Variants in COBLL1 observed in about 807,000 individuals in gnomAD.
COBLL1 encodes the protein cordon-bleu WH2 repeat protein like 1, also known as cordon-bleu protein-like 1.
Under a neutral mutation model 94.8 loss-of-function variants are expected in COBLL1, and 50 were observed. That is an observed-to-expected ratio of 0.53 (90% CI 0.42 to 0.67). The LOEUF (loss-of-function observed/expected upper bound fraction) is 0.67. Among genes scored for constraint, COBLL1 ranks in the 30% least tolerant of loss-of-function variants. The pLI, the probability that COBLL1 is intolerant of heterozygous loss-of-function variation, is 0.00. For synonymous variants in COBLL1, 448 were observed against 473.8 expected (o/e 0.95, Z 0.71); for missense variants, 1,362 against 1,348.7 (o/e 1.01, Z -0.15).
At chr2:164,730,344 A>AC (rs912388625) in intron 3 of COBLL1, among the ~76,000 whole-genome samples, 3 of 150,888 alleles carry the variant, frequency 2.0e-5, no homozygotes, top group African/African-American at 7.3e-5. Context: ...AAAAAAAAAA[A>AC]ACAATAGCCT....
intron 2 of COBLL1, chr2:164,772,129 T>G (rs532164861): frequency 6.6e-6 from 1 of 150,562 alleles, no homozygotes; most frequent in Non-Finnish European, 1.5e-5. Context: ...ATTTGTTTAG[T>G]TGTTAATCCT....
At chr2:164,692,566 T>A (rs1394121558) in intron 12 of COBLL1, 169 bp from the exon 13 acceptor site, 3 of 569,914 alleles carry the variant, frequency 5.3e-6, no homozygotes. Context: ...CTGCCAGAGC[T>A]AAGCTGGAAG....
chr2:164,658,285 G>A (rs1691010943), intron 2 of COBLL1, among the ~76,000 whole-genome samples: 1 of 152,128 alleles, frequency 6.6e-6, no homozygotes, highest in African/African-American at 2.4e-5. Flanking sequence ...TGCTTTTGGG[G>A]AGGTTGGCCG....
chr2:164,772,924 A>G (rs1223129825), intron 2 of COBLL1, among the ~76,000 whole-genome samples: 2 of 152,132 alleles, frequency 1.3e-5, no homozygotes, highest in Admixed American at 6.6e-5. Context: ...GTAATCGTGT[A>G]CCAGCCAACT....
At chr2:164,687,524 C>T in intron 13 of COBLL1, 1 of 1,373,162 alleles carries the variant, frequency 7.3e-7, no homozygotes, top group Non-Finnish European at 1.0e-6. Context: ...GACATGGTAA[C>T]TTGGCCAATG....
intron 2 of COBLL1, among the ~76,000 whole-genome samples, chr2:164,776,856 T>C (rs537325109): frequency 1.3e-5 from 2 of 152,254 alleles, no homozygotes; most frequent in East Asian, 3.9e-4. Context: ...ACAATACTAT[T>C]AGCCCTTGGA....
At position 164,841,151 on chromosome 2, in the gene COBLL1, C is replaced by A; in HGVS notation, c.41+5G>T. The A allele has an allele frequency of 8.1e-7, 1 of 1,230,278 alleles. No individual in the cohort carries two copies. The highest frequency in any genetic ancestry group is 1.0e-6 in the Non-Finnish European group (1 of 987,112). 76.2% of individuals were successfully genotyped at this position (1,230,278 alleles called of 1,614,324 possible). On this transcript the variant is annotated splice_donor_5th_base_variant and intron_variant, in intron 2 of 13. Coordinates refer to ENST00000652658, the MANE Select transcript of COBLL1 (RefSeq NM_001365672.2). This position sits in a 1 kb window ranked among gnomAD's most constrained non-coding sequence, Gnocchi z 5.5. ...GTGAGAGGCGGCGCGGCGCTCTGGGCTTACCTGGCTGGGGCGTCCTGCGGG... is the reference window on the plus strand; with the variant it reads ...GTGAGAGGCGGCGCGGCGCTCTGGGATTACCTGGCTGGGGCGTCCTGCGGG...
chr2:164,794,897 G>C (rs1467509665), intron 2 of COBLL1, among the ~76,000 whole-genome samples: 5 of 152,170 alleles, frequency 3.3e-5, no homozygotes, highest in Admixed American at 3.3e-4. Flanking sequence ...CACAACAAGT[G>C]CTAATGTTTA....
At chr2:164,727,788 T>C (rs1404515153) in intron 5 of COBLL1, among the ~76,000 whole-genome samples, 181 bp downstream of exon 5, 1 of 152,038 alleles carries the variant, frequency 6.6e-6, no homozygotes, top group African/African-American at 2.4e-5. Context: ...TTGTTATATT[T>C]AACTTGATTT....
intron 2 of COBLL1, among the ~76,000 whole-genome samples, chr2:164,812,851 C>A (rs1191697424): frequency 6.6e-6 from 1 of 152,050 alleles, no homozygotes; most frequent in African/African-American, 2.4e-5. Context: ...CAGTTGCACC[C>A]TACTGTATAC....
At chr2:164,768,841 A>G (rs1009282539) in intron 2 of COBLL1, among the ~76,000 whole-genome samples, 2 of 152,284 alleles carry the variant, frequency 1.3e-5, no homozygotes, top group African/African-American at 2.4e-5. Context: ...ATTTTTAGGT[A>G]TATTTGTATT....
intron 2 of COBLL1, among the ~76,000 whole-genome samples, chr2:164,818,207 T>G (rs913464509): frequency 7.0e-6 from 1 of 142,886 alleles, no homozygotes; most frequent in African/African-American, 2.6e-5. Flanking sequence ...TATACATATG[T>G]GTGTATATAT....
In COBLL1 at chr2:164,682,699, G is replaced by A. The variant is rs894869647; in HGVS notation, c.*3247C>T. 6.6e-6 allele frequency: 1 copy of A among 152,062 alleles called. No individual in the cohort carries two copies. The highest frequency in any genetic ancestry group is 1.5e-5 in the Non-Finnish European group (1 of 68,010). 9.4% of individuals were successfully genotyped at this position (152,062 alleles called of 1,614,324 possible). A position where few individuals can be genotyped will look rare whatever the true frequency, so the allele number is the denominator to read the frequency against. On this transcript the variant is annotated 3_prime_UTR_variant, in exon 14 of 14. Coordinates refer to ENST00000652658, the MANE Select transcript of COBLL1 (RefSeq NM_001365672.2). ...GGTAACTTTAAAAGATGAATTGCCT[G>A]CCGTTTTTAAAATAAGGTTCATTTT...
intron 2 of COBLL1, among the ~76,000 whole-genome samples, chr2:164,754,322 G>A (rs948240440): frequency 6.6e-6 from 1 of 152,088 alleles, no homozygotes; most frequent in Non-Finnish European, 1.5e-5. Context: ...CTTTGTACGT[G>A]GGCTGGACTT....
At chr2:164,703,046 G>A (rs995043861) in intron 9 of COBLL1, 29 of 951,166 alleles carry the variant, frequency 3.0e-5, no homozygotes, top group South Asian at 1.3e-4. Flanking sequence ...ATTTACAGTC[G>A]ATGATATCTT....
At chr2:164,779,508 C>T (rs1347902472) in intron 2 of COBLL1, 4 of 317,108 alleles carry the variant, frequency 1.3e-5, no homozygotes, top group Non-Finnish European at 2.6e-5. Context: ...TCCATGTAAG[C>T]TTCAGGAGAT....
At chr2:164,825,429 G>C (rs1030118057) in intron 2 of COBLL1, among the ~76,000 whole-genome samples, 1 of 151,910 alleles carries the variant, frequency 6.6e-6, no homozygotes, top group Non-Finnish European at 1.5e-5. Flanking sequence ...TTTCCATTAC[G>C]TTTACTTAGG....
In COBLL1 at chr2:164,682,750, A is replaced by T. The variant is rs1683095019; in HGVS notation, c.*3196T>A. 1 of 152,136 alleles carries T rather than the reference A, an allele frequency of 6.6e-6. No homozygotes were observed. Among genetic ancestry groups the T allele is most frequent in the Admixed American group, 6.6e-5 (1 of 15,254 alleles). The allele number at this position is 152,136 out of a possible 1,614,324, so 9.4% of individuals were successfully genotyped here. On this transcript the variant is annotated 3_prime_UTR_variant, in exon 14 of 14. Transcript: ENST00000652658. ...TATTCATATTAATTCATTTTTCAGA[A>T]GAGAAAATGAAGCATAGAGAAAGTA...
chr2:164,815,707 G>A (rs1256997737), intron 2 of COBLL1, among the ~76,000 whole-genome samples: 2 of 152,038 alleles, frequency 1.3e-5, no homozygotes, highest in Non-Finnish European at 1.5e-5. Flanking sequence ...TTCAAACAAA[G>A]TATTACCATT....
Sources: gnomAD v4.1 joint callset for allele counts (sites outside exome capture counted in the v4.1 genomes callset) on GRCh38, gnomAD v4.1.1 for gene constraint, Gnocchi (gnomAD v3.1) non-coding constraint, MANE v1.5 for transcripts, NCBI Gene and HGNC (gene_info 2026-07-23, HGNC 2026-07-21) for gene names.